Variants in DTD1 observed in about 807,000 individuals in gnomAD.
DTD1 encodes the protein D-aminoacyl-tRNA deacylase 1.
In DTD1, 13 loss-of-function variants were observed where a neutral mutation model predicts 25.6. The ratio of observed to expected loss-of-function variants is 0.51; its 90% CI spans 0.33 to 0.81. The LOEUF (loss-of-function observed/expected upper bound fraction) is 0.81, where lower values mean the gene tolerates loss of function less well. Among genes scored for constraint, DTD1 ranks in the 30% least tolerant of loss-of-function variants. DTD1 has a pLI of 0.02. For missense variants in DTD1, 193 were observed against 266.4 expected, an observed-to-expected ratio of 0.72 and a Z score of 1.92; for synonymous variants, 110 against 103.6, an observed-to-expected ratio of 1.06 and a Z score of -0.37.
In DTD1 at chr20:18,764,738, C is replaced by G. The variant is rs1267599071; in HGVS notation, c.*1398C>G. The G allele has an allele frequency of 6.6e-6, 1 of 152,220 alleles. No individual in the cohort carries two copies. Among genetic ancestry groups the G allele is most frequent in the Non-Finnish European group, 1.5e-5 (1 of 68,046 alleles). The allele number at this position is 152,220 out of a possible 1,614,324, so 9.4% of individuals were successfully genotyped here. A position where few individuals can be genotyped will look rare whatever the true frequency, so the allele number is the denominator to read the frequency against. Reference sequence around the variant, plus strand: ...TGGTTTAAACCTCTAGATTTGAAGTCATTACATCCCAGATGCAGACCCTGG... The same window carrying G: ...TGGTTTAAACCTCTAGATTTGAAGTGATTACATCCCAGATGCAGACCCTGG... On this transcript the variant is annotated 3_prime_UTR_variant, in exon 6 of 6. Transcript: ENST00000377452.
chr20:18,622,251 A>G (rs2060737543), intron 3 of DTD1, among the ~76,000 whole-genome samples: 1 of 151,914 alleles, frequency 6.6e-6, no homozygotes, highest in Non-Finnish European at 1.5e-5. Flanking sequence ...ACCCCCTGAA[A>G]GGCCCTGGTG....
intron 4 of DTD1, among the ~76,000 whole-genome samples, chr20:18,669,058 A>G (rs566742316): frequency 1.3e-5 from 2 of 152,218 alleles, no homozygotes; most frequent in Non-Finnish European, 2.9e-5. Context: ...TTTATAGAGC[A>G]CTTGTGTTCA....
At chr20:18,700,611 C>T (rs1016662856) in intron 4 of DTD1, among the ~76,000 whole-genome samples, 2 of 151,792 alleles carry the variant, frequency 1.3e-5, no homozygotes. Flanking sequence ...TTAGTGTACC[C>T]GTCACCCGAG....
intron 3 of DTD1, among the ~76,000 whole-genome samples, chr20:18,597,965 A>T (rs2060618358): frequency 6.8e-6 from 1 of 147,572 alleles, no homozygotes; most frequent in Non-Finnish European, 1.5e-5. Context: ...CTAGCTTGAC[A>T]GTTCTTTTCT....
intron 4 of DTD1, among the ~76,000 whole-genome samples, chr20:18,728,785 C>T (rs2061230979): frequency 6.6e-6 from 1 of 152,114 alleles, no homozygotes; most frequent in African/African-American, 2.4e-5. Flanking sequence ...GCCTGGGTCC[C>T]CTGGGTCTGT....
chr20:18,717,586 C>T (rs903778317), intron 4 of DTD1, among the ~76,000 whole-genome samples: 13 of 152,126 alleles, frequency 8.5e-5, no homozygotes, highest in Admixed American at 4.6e-4. Flanking sequence ...TTCAAATTGT[C>T]TCATATCTTC....
At chr20:18,597,627 T>C (rs941610479) in intron 3 of DTD1, among the ~76,000 whole-genome samples, 7 of 152,232 alleles carry the variant, frequency 4.6e-5, no homozygotes, top group Non-Finnish European at 8.8e-5. Context: ...AATTATATAA[T>C]GTGTGGTTTT....
intron 3 of DTD1, among the ~76,000 whole-genome samples, chr20:18,609,221 C>T (rs1253676115): frequency 1.3e-5 from 2 of 152,030 alleles, no homozygotes; most frequent in African/African-American, 2.4e-5. Context: ...CCGCTCACTG[C>T]AACCTCCACC....
intron 3 of DTD1, 87 bp from the exon 4 acceptor site, chr20:18,628,040 A>G: frequency 9.6e-7 from 1 of 1,045,158 alleles, no homozygotes. Context: ...CTTTATTAGC[A>G]GTGTGAAAAT....
chr20:18,698,343 C>T (rs760183409), intron 4 of DTD1: 1 of 152,174 alleles, frequency 6.6e-6, no homozygotes, highest in Non-Finnish European at 1.5e-5. Context: ...TTTTGTCAAC[C>T]CTTTAACATC....
rs2060631865 is a variant in DTD1, at chr20:18,601,025, A to G, written c.370+4784A>G. Among the ~76,000 whole-genome samples, 3 of 151,882 alleles carry G rather than the reference A, an allele frequency of 2.0e-5. No homozygotes were observed. In the South Asian group the frequency reaches 6.2e-4, roughly 32 times the overall value. Reference sequence around the variant, plus strand: ...GTCATCTGCAAACAAAGACAGTTTTATTTTTCTTTTTATTTCTTGCCTTAT... The same window carrying G: ...GTCATCTGCAAACAAAGACAGTTTTGTTTTTCTTTTTATTTCTTGCCTTAT... On this transcript the variant is annotated intron_variant, in intron 3 of 5. Coordinates refer to ENST00000377452, the MANE Select transcript of DTD1 (RefSeq NM_080820.6).
intron 4 of DTD1, among the ~76,000 whole-genome samples, chr20:18,663,343 ACT>A (rs2060918769): frequency 1.3e-5 from 2 of 151,422 alleles, no homozygotes; most frequent in Admixed American, 1.3e-4. Flanking sequence ...ACATGGCGAG[ACT>A]CTGTATCTAT....
chr20:18,649,019 A>AAAAAAT (rs2060862195), intron 4 of DTD1, among the ~76,000 whole-genome samples: 1 of 142,922 alleles, frequency 7.0e-6, no homozygotes, highest in African/African-American at 2.5e-5. Flanking sequence ...AAAAAAAAAA[A>AAAAAAT]GCAAATTTAA....
intron 1 of DTD1, among the ~76,000 whole-genome samples, chr20:18,588,431 G>T (rs1052662389): frequency 6.6e-6 from 1 of 152,240 alleles, no homozygotes; most frequent in Non-Finnish European, 1.5e-5. Context: ...CGGAGCCTCG[G>T]AGCATCTCCG....
At chr20:18,673,254 T>A (rs780378346) in intron 4 of DTD1, among the ~76,000 whole-genome samples, 6 of 152,236 alleles carry the variant, frequency 3.9e-5, no homozygotes, top group Non-Finnish European at 8.8e-5. Context: ...TCATATTTTG[T>A]ACCCACCTAA....
At chr20:18,709,649 C>CT (rs534650667) in intron 4 of DTD1, among the ~76,000 whole-genome samples, 48 of 152,218 alleles carry the variant, frequency 3.2e-4, no homozygotes, top group African/African-American at 9.4e-4. Context: ...TGGAGTCATC[C>CT]TTTTTTTATC....
At chr20:18,620,089 G>A (rs1168763395) in intron 3 of DTD1, 2 of 152,036 alleles carry the variant, frequency 1.3e-5, no homozygotes, top group Admixed American at 6.5e-5. Context: ...AGTTATTGAG[G>A]ATTTTTACTA....
chr20:18,620,219 G>A (rs968631952), intron 3 of DTD1: 1 of 152,096 alleles, frequency 6.6e-6, no homozygotes, highest in Non-Finnish European at 1.5e-5. Flanking sequence ...CTTCCAGAAA[G>A]TAATCATGTT....
At chr20:18,736,973 A>G (rs886338430) in intron 4 of DTD1, among the ~76,000 whole-genome samples, 6 of 152,174 alleles carry the variant, frequency 3.9e-5, no homozygotes, top group Non-Finnish European at 7.4e-5. Context: ...CTCCTGCCCA[A>G]TGCCTGTGTC....
Sources: gnomAD v4.1 joint callset for allele counts (sites outside exome capture counted in the v4.1 genomes callset) on GRCh38, gnomAD v4.1.1 for gene constraint, MANE v1.5 for transcripts, NCBI Gene and HGNC (gene_info 2026-07-23, HGNC 2026-07-21) for gene names.